Variants in CLDN14 observed in about 807,000 individuals in gnomAD.
CLDN14 encodes the protein claudin-14.
In CLDN14, 2 loss-of-function variants were observed where a neutral mutation model predicts 2.1. That is an observed-to-expected ratio of 0.96 (90% CI 0.39 to 3.01). The LOEUF is 3.01. CLDN14 is among the 30% of genes most tolerant of loss of function. CLDN14 has a pLI of 0.09. For synonymous variants in CLDN14, 136 were observed against 154.4 expected, an observed-to-expected ratio of 0.88 and a Z score of 0.88; for missense variants, 298 against 328.0, an observed-to-expected ratio of 0.91 and a Z score of 0.71.
chr21:36,493,156 C>T (rs1231763430), intron 2 of CLDN14, among the ~76,000 whole-genome samples: 1 of 152,128 alleles, frequency 6.6e-6, no homozygotes, highest in Non-Finnish European at 1.5e-5. Context: ...GTCGAGCCTC[C>T]TGGACTCAAG....
chr21:36,498,873 A>G lies in CLDN14; in HGVS notation c.-82+11490T>C, dbSNP rs200387491. ...GGGGCTGAAATTCAACCAAGGCTTGATTCCTGCCTGAGGTGCCAGGAACCT... is the reference window on the plus strand; with the variant it reads ...GGGGCTGAAATTCAACCAAGGCTTGGTTCCTGCCTGAGGTGCCAGGAACCT... On this transcript the variant is annotated intron_variant, in intron 2 of 2. Transcript: ENST00000342108. The surrounding 1 kb of genome is among the most constrained non-coding windows in gnomAD (Gnocchi z 4.9). Among the ~76,000 whole-genome samples the G allele has an allele frequency of 6.6e-6, 1 of 151,574 alleles. No homozygotes were observed. Among genetic ancestry groups the G allele is most frequent in the East Asian group, 2.0e-4 (1 of 5,122 alleles).
chr21:36,572,202 T>C (rs1027956086), intron 1 of CLDN14, among the ~76,000 whole-genome samples: 5 of 152,176 alleles, frequency 3.3e-5, no homozygotes, highest in African/African-American at 9.7e-5. Context: ...TGGTTTGTTT[T>C]GTTTAGGGGT....
intron 1 of CLDN14, among the ~76,000 whole-genome samples, chr21:36,520,895 G>A (rs543718456): frequency 4.6e-5 from 7 of 151,878 alleles, no homozygotes; most frequent in African/African-American, 1.5e-4. Flanking sequence ...CCCCTTCAAC[G>A]CTCCCCATGG....
At chr21:36,515,689 A>AT (rs1480539465) in intron 1 of CLDN14, among the ~76,000 whole-genome samples, 5 of 149,718 alleles carry the variant, frequency 3.3e-5, no homozygotes, top group Non-Finnish European at 7.4e-5. Context: ...AAAAAAAAAA[A>AT]TTTCTACTTA....
chr21:36,507,962 A>G (rs1372200053), intron 2 of CLDN14, among the ~76,000 whole-genome samples: 1 of 152,212 alleles, frequency 6.6e-6, no homozygotes, highest in Non-Finnish European at 1.5e-5. Context: ...ATTACCACAT[A>G]TATACACATA....
intron 1 of CLDN14, among the ~76,000 whole-genome samples, chr21:36,531,050 G>T (rs2087375324): frequency 6.6e-6 from 1 of 152,008 alleles, no homozygotes; most frequent in South Asian, 2.1e-4. Flanking sequence ...GGCCAACATG[G>T]TGAAACCCTG....
At chr21:36,462,841 C>T (rs2091053694) in intron 1 of CLDN14, among the ~76,000 whole-genome samples, 1 of 151,900 alleles carries the variant, frequency 6.6e-6, no homozygotes, top group Non-Finnish European at 1.5e-5. Context: ...TCGCTTGAAC[C>T]AGGAAGGCTG....
intron 1 of CLDN14, among the ~76,000 whole-genome samples, chr21:36,523,814 A>T (rs2087297793): frequency 7.0e-6 from 1 of 143,392 alleles, no homozygotes; most frequent in Non-Finnish European, 1.5e-5. Context: ...AAAGAAAGAA[A>T]GAAAGAAAGA....
chr21:36,555,611 C>T (rs534159534), intron 1 of CLDN14, among the ~76,000 whole-genome samples: 1 of 152,252 alleles, frequency 6.6e-6, no homozygotes, highest in African/African-American at 2.4e-5. Flanking sequence ...GCCTTGAAAG[C>T]CAGCTCATTA....
chr21:36,516,760 C>T (rs2087231722), intron 1 of CLDN14, among the ~76,000 whole-genome samples: 1 of 152,190 alleles, frequency 6.6e-6, no homozygotes, highest in African/African-American at 2.4e-5. Flanking sequence ...ACACACAGTA[C>T]ATTGGTGAGC....
At chr21:36,463,328 G>T (rs1238348465) in intron 1 of CLDN14, among the ~76,000 whole-genome samples, 1 of 152,236 alleles carries the variant, frequency 6.6e-6, no homozygotes, top group Non-Finnish European at 1.5e-5. Flanking sequence ...TTCTTCTTCT[G>T]CAGAGAGCTG....
In CLDN14 at chr21:36,514,622, A is replaced by AGTGTGTGT. The variant is rs34558148; in HGVS notation, c.-219-4130_-219-4123dup. 6.7e-3 allele frequency among the ~76,000 whole-genome samples: 227 copies of AGTGTGTGT among 33,712 alleles called. 1 individual carries two copies. The highest frequency in any genetic ancestry group is 0.013 in the African/African-American group (207 of 15,352). 22.1% of individuals were successfully genotyped at this position (33,712 alleles called of 152,430 possible). A position where few individuals can be genotyped will look rare whatever the true frequency, so the allele number is the denominator to read the frequency against. ...GAAATAAAGTCTTATCGTGAGAGAA[A>AGTGTGTGT]GTGTGTGTGTGTGTGTGTGTGTGTG... On this transcript the variant is annotated intron_variant, in intron 1 of 2. Coordinates refer to the CLDN14 transcript ENST00000342108.
upstream of CLDN14, among the ~76,000 whole-genome samples, chr21:36,484,089 C>T (rs1384841007): frequency 6.6e-6 from 1 of 152,174 alleles, no homozygotes; most frequent in Non-Finnish European, 1.5e-5. Context: ...CTAGACTGTC[C>T]ATGCTCAGAC....
chr21:36,476,988 A>C (rs2086787422), intron 1 of CLDN14, among the ~76,000 whole-genome samples: 1 of 152,264 alleles, frequency 6.6e-6, no homozygotes, highest in African/African-American at 2.4e-5. Flanking sequence ...ACATACACAC[A>C]GTGGCCAGAT....
At chr21:36,552,739 C>T (rs2146518300) in intron 1 of CLDN14, among the ~76,000 whole-genome samples, 1 of 138,214 alleles carries the variant, frequency 7.2e-6, no homozygotes, top group East Asian at 2.2e-4. Context: ...GAAAAAAAAA[C>T]TCTCTATTTT....
At chr21:36,530,044 C>T (rs1160050199) in intron 1 of CLDN14, among the ~76,000 whole-genome samples, 5 of 152,190 alleles carry the variant, frequency 3.3e-5, no homozygotes, top group Non-Finnish European at 5.9e-5. Context: ...GCTTATGCTT[C>T]ACCCTTCCTT....
At chr21:36,481,067 T>A (rs2086840942), upstream of CLDN14, 1 of 152,204 alleles carries the variant, frequency 6.6e-6, no homozygotes, top group South Asian at 2.1e-4. Context: ...TGGTCTGTTT[T>A]TGGAAGTGAA....
chr21:36,555,375 C>T (rs764493856), intron 1 of CLDN14, among the ~76,000 whole-genome samples: 5 of 152,202 alleles, frequency 3.3e-5, no homozygotes, highest in Admixed American at 1.3e-4. Flanking sequence ...GAAGGTGGTT[C>T]GGCTCCCGTG....
intron 1 of CLDN14, among the ~76,000 whole-genome samples, chr21:36,515,266 G>A (rs1347069234): frequency 1.3e-5 from 2 of 152,184 alleles, no homozygotes; most frequent in African/African-American, 4.8e-5. Context: ...AGTGCTCATA[G>A]CGGCATTATT....
Sources: gnomAD v4.1 joint callset for allele counts (sites outside exome capture counted in the v4.1 genomes callset) on GRCh38, gnomAD v4.1.1 for gene constraint, Gnocchi (gnomAD v3.1) non-coding constraint, MANE v1.5 for transcripts, NCBI Gene and HGNC (gene_info 2026-07-23, HGNC 2026-07-21) for gene names.